Variants in CSMD1 observed in about 807,000 individuals in gnomAD.
The protein encoded by CSMD1 is CUB and Sushi multiple domains 1, also known as CUB and sushi domain-containing protein 1.
Under a neutral mutation model 417.5 loss-of-function variants are expected in CSMD1, and 213 were observed. That is an observed-to-expected ratio of 0.51 (90% confidence interval 0.46 to 0.57). The LOEUF is 0.57. Ranked by LOEUF, CSMD1 falls within the 20% of genes least tolerant of loss-of-function variation. The pLI is 0.00. For synonymous variants in CSMD1, 2,862 were observed against 1,736.8 expected (o/e 1.65, Z -16.11); for missense variants, 6,923 against 4,529.7 (o/e 1.53, Z -15.17).
chr8:3,123,941 A>T (rs1817353866), intron 41 of CSMD1, among the ~76,000 whole-genome samples: 2 of 152,168 alleles, frequency 1.3e-5, no homozygotes, highest in African/African-American at 4.8e-5. Flanking sequence ...CTTTTTTGGG[A>T]TAGGTAAAAC....
At chr8:4,448,091 C>T (rs1585092381) in intron 2 of CSMD1, among the ~76,000 whole-genome samples, 2 of 152,172 alleles carry the variant, frequency 1.3e-5, no homozygotes, top group Admixed American at 6.6e-5. Flanking sequence ...AAATTCTGTT[C>T]CCTTCTCTAT....
At chr8:4,289,673 C>T (rs973552166) in intron 3 of CSMD1, among the ~76,000 whole-genome samples, 2 of 152,156 alleles carry the variant, frequency 1.3e-5, no homozygotes, top group African/African-American at 2.4e-5. Context: ...AACATGTGCT[C>T]AAGACATGAG....
chr8:4,827,621 G>C (rs537496975), intron 1 of CSMD1, among the ~76,000 whole-genome samples: 4 of 152,134 alleles, frequency 2.6e-5, no homozygotes, highest in East Asian at 1.9e-4. Context: ...CAGAAAGATT[G>C]AATAGGTAAG....
At chr8:3,355,518 A>G (rs1190475312) in intron 21 of CSMD1, among the ~76,000 whole-genome samples, 4 of 152,184 alleles carry the variant, frequency 2.6e-5, no homozygotes, top group Non-Finnish European at 4.4e-5. Context: ...AGGAATAGGC[A>G]TGGGACTCAA....
chr8:3,562,097 G>C (rs1040178119), intron 10 of CSMD1, among the ~76,000 whole-genome samples: 1 of 149,456 alleles, frequency 6.7e-6, no homozygotes, highest in African/African-American at 2.5e-5. Context: ...TCTTACAGAT[G>C]AACATAACCA....
At chr8:4,895,224 G>A (rs1281349695) in intron 1 of CSMD1, among the ~76,000 whole-genome samples, 1 of 152,098 alleles carries the variant, frequency 6.6e-6, no homozygotes, top group Admixed American at 6.5e-5. Flanking sequence ...GTACAACTAA[G>A]ACAACCTGAA....
At chr8:3,490,854 T>G (rs1489712347) in intron 11 of CSMD1, among the ~76,000 whole-genome samples, 1 of 150,486 alleles carries the variant, frequency 6.6e-6, no homozygotes, top group Non-Finnish European at 1.5e-5. Flanking sequence ...GGACTCTGTT[T>G]TTAAAAATAA....
At chr8:4,322,724 G>A (rs981294526) in intron 3 of CSMD1, among the ~76,000 whole-genome samples, 9 of 152,328 alleles carry the variant, frequency 5.9e-5, no homozygotes, top group Non-Finnish European at 1.2e-4. Context: ...GGCCAGGCAC[G>A]GGGCTCGTGC....
chr8:4,146,523 C>T (rs1040661170), intron 3 of CSMD1, among the ~76,000 whole-genome samples: 2 of 140,696 alleles, frequency 1.4e-5, no homozygotes, highest in Non-Finnish European at 3.0e-5. Flanking sequence ...AGTGTGTGTT[C>T]TCTGGTTAAA....
chr8:4,037,895 G>A (rs565081176), intron 3 of CSMD1, among the ~76,000 whole-genome samples: 7 of 152,068 alleles, frequency 4.6e-5, no homozygotes, highest in South Asian at 4.1e-4. Flanking sequence ...TGAAATTCAC[G>A]TAGCTCATAA....
chr8:3,268,817 G>T (rs574605557), intron 26 of CSMD1, among the ~76,000 whole-genome samples: 2 of 152,094 alleles, frequency 1.3e-5, no homozygotes, highest in African/African-American at 2.4e-5. Flanking sequence ...GGTCCTGGGG[G>T]ACAGTGGGGC....
rs1425190525 is a variant in CSMD1 at position 3,188,851 on chromosome 8, G to C, written c.5523+36C>G. 2.0e-6 allele frequency: 3 copies of C among 1,468,472 alleles called. No individual in the cohort carries two copies. In the African/African-American group the frequency reaches 4.2e-5, roughly 21 times the overall value. 91.0% of individuals were successfully genotyped at this position (1,468,472 alleles called of 1,614,324 possible). On this transcript the variant is annotated intron_variant, in intron 35 of 69. Transcript: ENST00000635120. The stretch of plus-strand genomic sequence containing the variant: ...AGAAAGAAGCCCATGGACCCCAGCT[G>C]AGCCCTGTTGTAGACTGTGGACTTC...
intron 12 of CSMD1, among the ~76,000 whole-genome samples, 160 bp from the exon 13 acceptor site, chr8:3,409,765 T>G (rs1436735177): frequency 6.6e-6 from 1 of 152,206 alleles, no homozygotes; most frequent in Non-Finnish European, 1.5e-5. Flanking sequence ...AAATTTAATT[T>G]CAAATACCAG....
chr8:4,370,171 G>C (rs1563102901), intron 3 of CSMD1, among the ~76,000 whole-genome samples: 1 of 152,086 alleles, frequency 6.6e-6, no homozygotes. Context: ...TGGCTTTCCT[G>C]AAAAGAATTT....
intron 5 of CSMD1, among the ~76,000 whole-genome samples, chr8:3,888,547 T>C (rs1806724538): frequency 1.3e-5 from 2 of 152,222 alleles, no homozygotes; most frequent in South Asian, 4.1e-4. Flanking sequence ...GTCATGCCTC[T>C]TGTATCAAGT....
chr8:3,091,498 TA>T lies in CSMD1; in HGVS notation c.7285+17del. 1 of 1,574,020 alleles carries T rather than the reference TA, an allele frequency of 6.4e-7. No homozygotes were observed. On this transcript the variant is annotated intron_variant, in intron 48 of 69. Coordinates refer to ENST00000635120, the MANE Select transcript of CSMD1 (RefSeq NM_033225.6). ...TTTTAAAATACTTTCATATAAAATC[TA>T]AACCTCATTTACTTACCTGCATAGC...
rs181953841 is a variant in CSMD1 at position 3,644,351 on chromosome 8, T to C, written c.1010-27554A>G. Among the ~76,000 whole-genome samples, 144 of 152,344 alleles carry C rather than the reference T, an allele frequency of 9.5e-4. 1 individual carries two copies. Among genetic ancestry groups the C allele is most frequent in the East Asian group, 3.9e-3 (20 of 5,178 alleles). On this transcript the variant is annotated intron_variant, in intron 7 of 69. Transcript: ENST00000635120. Reference sequence around the variant, plus strand: ...TAGAGGCAAATGGCCTTGTGTCATGTCTGGCTCTAAAATCAGCAGGTGCGA... The same window carrying C: ...TAGAGGCAAATGGCCTTGTGTCATGCCTGGCTCTAAAATCAGCAGGTGCGA...
chr8:3,313,496 A>C (rs1020301609), intron 23 of CSMD1, among the ~76,000 whole-genome samples: 1 of 152,224 alleles, frequency 6.6e-6, no homozygotes, highest in East Asian at 1.9e-4. Flanking sequence ...ATGCAGCCAA[A>C]AGACACATGA....
At chr8:3,192,783 A>T (rs1463083017) in intron 33 of CSMD1, among the ~76,000 whole-genome samples, 3 of 152,296 alleles carry the variant, frequency 2.0e-5, no homozygotes, top group African/African-American at 7.2e-5. Context: ...TTGTGGAGTC[A>T]TGTTGGTGCT....
Sources: gnomAD v4.1 joint callset for allele counts (sites outside exome capture counted in the v4.1 genomes callset) on GRCh38, gnomAD v4.1.1 for gene constraint, MANE v1.5 for transcripts, NCBI Gene and HGNC (gene_info 2026-07-23, HGNC 2026-07-21) for gene names.